The following PCNX1 variants were observed in gnomAD, a reference collection of about 807,000 sequenced individuals.
PCNX1 encodes pecanex 1.
Under a neutral mutation model 242.2 loss-of-function variants are expected in PCNX1, and 78 were observed. The ratio of observed to expected loss-of-function variants is 0.32; its 90% CI spans 0.27 to 0.39. The LOEUF is 0.39. PCNX1 is among the 10% of genes least tolerant of loss of function. PCNX1 has a pLI of 1.00. For missense variants in PCNX1, 2,581 were observed against 2,856.5 expected, an observed-to-expected ratio of 0.90 and a Z score of 2.20; for synonymous variants, 1,024 against 1,032.9, an observed-to-expected ratio of 0.99 and a Z score of 0.17.
At chr14:71,016,833 C>G (rs2059973648) in intron 11 of PCNX1, among the ~76,000 whole-genome samples, 1 of 151,796 alleles carries the variant, frequency 6.6e-6, no homozygotes, top group South Asian at 2.1e-4. Context: ...GCACATAAGC[C>G]CAAGTAAACA....
At chr14:71,102,783 T>G (rs1375275147) in intron 31 of PCNX1, among the ~76,000 whole-genome samples, 1 of 152,196 alleles carries the variant, frequency 6.6e-6, no homozygotes, top group Non-Finnish European at 1.5e-5. Context: ...TGGCAGGTCT[T>G]ATATATTTTA....
chr14:71,083,869 C>G (rs1175928890), intron 28 of PCNX1, among the ~76,000 whole-genome samples: 1 of 152,184 alleles, frequency 6.6e-6, no homozygotes, highest in Non-Finnish European at 1.5e-5. Flanking sequence ...CAAACTCATT[C>G]TCCATCCAGT....
intron 26 of PCNX1, among the ~76,000 whole-genome samples, chr14:71,061,291 G>A (rs1359470570): frequency 6.6e-6 from 1 of 152,180 alleles, no homozygotes; most frequent in Non-Finnish European, 1.5e-5. Context: ...TATTGCAGGA[G>A]CAATCAGAAG....
intron 12 of PCNX1, among the ~76,000 whole-genome samples, chr14:71,022,074 C>T (rs1472477098): frequency 6.6e-6 from 1 of 152,084 alleles, no homozygotes; most frequent in Non-Finnish European, 1.5e-5. Context: ...GTTAATTTTT[C>T]TTTCCCAATA....
chr14:71,108,863 G>C lies in PCNX1; in HGVS notation c.6561G>C (p.Gln2187His), dbSNP rs1236536270. The change falls in exon 34 of 36, where the codon CAG becomes CAC. Residue 2187 changes from glutamine to histidine, a missense_variant. By Grantham distance (24) the Gln-to-His change is conservative (BLOSUM62 0). Transcript: ENST00000304743. ...GTCAGAGCGGCCTGGCCTGTGTGCAGCACGGCCTGCCTTCCTCCAGCAGCT... is the reference window on the plus strand; with the variant it reads ...GTCAGAGCGGCCTGGCCTGTGTGCACCACGGCCTGCCTTCCTCCAGCAGCT... ...PSGQSGLACV[Q>H]HGLPSSSSSS... 1 of 1,614,232 alleles carries C rather than the reference G, an allele frequency of 6.2e-7. No homozygotes were observed. The highest frequency in any genetic ancestry group is 8.5e-7 in the Non-Finnish European group (1 of 1,180,046).
rs995017046 is a variant in PCNX1, at chr14:70,977,705, G to A, written c.1368G>A (p.Met456Ile). The A allele has an allele frequency of 1.9e-6, 3 of 1,613,998 alleles. No individual in the cohort carries two copies. In the African/African-American group the frequency reaches 4.0e-5, roughly 22 times the overall value. Residue 456 changes from methionine to isoleucine, a missense_variant, in exon 6 of 36, where the codon ATG becomes ATA. Coordinates refer to ENST00000304743, the MANE Select transcript of PCNX1 (RefSeq NM_014982.3). ...GGACTAGCAGTGAAAAGATTGCTAT[G>A]GAAGCGAGTACCAACAGTGGGGTTC... Reference protein sequence around the residue: ...DKRTSSEKIAMEASTNSGVHE... With the variant: ...DKRTSSEKIAIEASTNSGVHE...
At chr14:71,096,953 C>CT (rs2141753352) in intron 30 of PCNX1, among the ~76,000 whole-genome samples, 1 of 152,194 alleles carries the variant, frequency 6.6e-6, no homozygotes, top group African/African-American at 2.4e-5. Flanking sequence ...TGTATACTTC[C>CT]TTACTTCTCA....
At chr14:70,923,720 G>A (rs532524448) in intron 1 of PCNX1, among the ~76,000 whole-genome samples, 1 of 152,078 alleles carries the variant, frequency 6.6e-6, no homozygotes, top group Non-Finnish European at 1.5e-5. Flanking sequence ...AGGGCTTCTT[G>A]AGTTGTTTTA....
At chr14:71,037,812 G>A (rs1463356062) in intron 19 of PCNX1, among the ~76,000 whole-genome samples, 2 of 149,864 alleles carry the variant, frequency 1.3e-5, no homozygotes, top group African/African-American at 2.5e-5. Flanking sequence ...CACACTACCT[G>A]ACTTCAAACT....
intron 7 of PCNX1, among the ~76,000 whole-genome samples, chr14:70,991,396 G>A (rs186202875): frequency 6.6e-6 from 1 of 152,156 alleles, no homozygotes; most frequent in East Asian, 1.9e-4. Context: ...AGCAGAGATG[G>A]GGTTTCACTA....
At chr14:70,957,608 G>A (rs552780928) in intron 2 of PCNX1, among the ~76,000 whole-genome samples, 1 of 152,288 alleles carries the variant, frequency 6.6e-6, no homozygotes, top group Non-Finnish European at 1.5e-5. Context: ...TGGTTGTCTA[G>A]GGCTAAGGAG....
intron 8 of PCNX1, among the ~76,000 whole-genome samples, chr14:70,996,916 A>G (rs1293728913): frequency 1.3e-5 from 2 of 152,130 alleles, no homozygotes; most frequent in Non-Finnish European, 2.9e-5. Context: ...GCTGAGTTGT[A>G]GAGAGGTATT....
chr14:70,995,697 C>G, intron 7 of PCNX1, 44 bp from the exon 8 acceptor site: 1 of 1,556,700 alleles, frequency 6.4e-7, no homozygotes, highest in East Asian at 2.3e-5. Flanking sequence ...ATTGTTTTCT[C>G]TTTTCTTCCC....
chr14:71,072,710 A>G (rs2141420355), intron 26 of PCNX1, among the ~76,000 whole-genome samples: 1 of 152,350 alleles, frequency 6.6e-6, no homozygotes, highest in Admixed American at 6.5e-5. Flanking sequence ...TACATAATAT[A>G]AGGAATTTAC....
intron 13 of PCNX1, among the ~76,000 whole-genome samples, chr14:71,025,840 G>T (rs778235148): frequency 2.0e-5 from 3 of 152,124 alleles, no homozygotes; most frequent in Non-Finnish European, 1.5e-5. Flanking sequence ...CTGCATTCCA[G>T]TCTGGGCGAC....
At chr14:70,982,890 A>G (rs1359233011) in intron 6 of PCNX1, among the ~76,000 whole-genome samples, 2 of 152,186 alleles carry the variant, frequency 1.3e-5, no homozygotes, top group Admixed American at 1.3e-4. Context: ...AATTTCCTCA[A>G]CTGTAAAACA....
intron 7 of PCNX1, among the ~76,000 whole-genome samples, chr14:70,991,910 A>G (rs1433446452): frequency 6.6e-6 from 1 of 152,206 alleles, no homozygotes; most frequent in African/African-American, 2.4e-5. Context: ...TTTATTTTAA[A>G]CTTTAATGAA....
chr14:71,105,332 A>C lies in PCNX1; in HGVS notation c.6193A>C (p.Thr2065Pro). Residue 2065 changes from threonine to proline, a missense_variant, in exon 33 of 36, where the codon ACT becomes CCT. By Grantham distance (38) the Thr-to-Pro change is conservative. Transcript: ENST00000304743. ...GTSCTGNNAT[T>P]ANNPHSNVTQ... ...TTCCTGCACTGGTAACAATGCAACA[A>C]CTGCCAACAATCCCCACAGCAACGT... 9 of 1,614,104 alleles carry C rather than the reference A, an allele frequency of 5.6e-6. No homozygotes were observed. Among genetic ancestry groups the C allele is most frequent in the Non-Finnish European group, 7.6e-6 (9 of 1,179,962 alleles).
At chr14:70,996,605 TTA>T (rs1458330467) in intron 8 of PCNX1, among the ~76,000 whole-genome samples, 3 of 152,142 alleles carry the variant, frequency 2.0e-5, no homozygotes, top group Non-Finnish European at 4.4e-5. Flanking sequence ...GGGTGATACT[TTA>T]TGTTACTTTG....
Sources: allele counts gnomAD v4.1 joint callset (sites outside exome capture counted in the v4.1 genomes callset), GRCh38; gene constraint gnomAD v4.1.1; transcripts MANE v1.5; gene names NCBI Gene and HGNC (gene_info 2026-07-23, HGNC 2026-07-21).